The following HOMER1 variants were observed in gnomAD, a reference collection of about 807,000 sequenced individuals.
The protein encoded by HOMER1 is homer scaffold protein 1, also known as homer protein homolog 1.
A neutral mutation model predicts 48.9 loss-of-function variants in HOMER1; 3 were observed. The ratio of observed to expected loss-of-function variants is 0.06; its 90% confidence interval spans 0.03 to 0.16. HOMER1 has a LOEUF of 0.16. Ranked by LOEUF, HOMER1 falls within the 10% of genes least tolerant of loss-of-function variation. The pLI is 1.00. For missense variants in HOMER1, 247 were observed against 411.4 expected (o/e 0.60, Z 3.46); for synonymous variants, 134 against 146.4 (o/e 0.92, Z 0.61).
Position 79,488,869 on chromosome 5 carries a change from A to G in HOMER1, c.5+23901T>C, listed in dbSNP as rs556119169. ...TGACCTATTCAAGATCACACAGCCA[A>G]GATGAGGATGGAGCCAGAATTCAAA... On this transcript the variant is annotated intron_variant, in intron 1 of 8. Coordinates refer to ENST00000334082, the MANE Select transcript of HOMER1 (RefSeq NM_004272.5). Among the ~76,000 whole-genome samples, 3 of 152,370 alleles carry G rather than the reference A, an allele frequency of 2.0e-5. No homozygotes were observed. The South Asian group carries it at 6.2e-4, about 32-fold the overall frequency.
At chr5:79,404,155 T>A (rs182425891) in intron 5 of HOMER1, among the ~76,000 whole-genome samples, 2 of 152,360 alleles carry the variant, frequency 1.3e-5, no homozygotes, top group Non-Finnish European at 2.9e-5. Flanking sequence ...TAAACACTTG[T>A]TACATGTCAA....
chr5:79,479,765 C>T (rs1444191383), intron 1 of HOMER1, among the ~76,000 whole-genome samples: 1 of 152,104 alleles, frequency 6.6e-6, no homozygotes, highest in Non-Finnish European at 1.5e-5. Flanking sequence ...AACCATCATC[C>T]AGTTAAAATC....
intron 1 of HOMER1, among the ~76,000 whole-genome samples, chr5:79,484,358 T>C (rs555384254): frequency 1.3e-5 from 2 of 152,026 alleles, no homozygotes; most frequent in East Asian, 3.9e-4. Flanking sequence ...AAACAGAACA[T>C]ACATAAGATG....
At chr5:79,464,969 T>C (rs1457039376) in intron 1 of HOMER1, among the ~76,000 whole-genome samples, 1 of 152,162 alleles carries the variant, frequency 6.6e-6, no homozygotes, top group Non-Finnish European at 1.5e-5. Context: ...AGTTACTCTA[T>C]AGCAAATACA....
At chr5:79,431,317 AAAAC>A (rs750215552) in intron 5 of HOMER1, among the ~76,000 whole-genome samples, 2 of 151,832 alleles carry the variant, frequency 1.3e-5, no homozygotes, top group African/African-American at 2.4e-5. Context: ...AGCAAGACTC[AAAAC>A]AAACAAACAA....
intron 1 of HOMER1, among the ~76,000 whole-genome samples, chr5:79,461,752 C>T (rs1382030012): frequency 2.6e-5 from 4 of 152,070 alleles, no homozygotes; most frequent in Non-Finnish European, 4.4e-5. Flanking sequence ...ACTGATATTA[C>T]TAATTATATT....
At chr5:79,447,224 ATTTTC>A in intron 3 of HOMER1, 79 bp from the exon 4 acceptor site, 5 of 822,912 alleles carry the variant, frequency 6.1e-6, no homozygotes, top group Non-Finnish European at 1.0e-5. Flanking sequence ...AAAGTTATTC[ATTTTC>A]TGAATAACTG....
At chr5:79,379,203 TTA>T (rs1203102164) in intron 8 of HOMER1, among the ~76,000 whole-genome samples, 4 of 72,928 alleles carry the variant, frequency 5.5e-5, no homozygotes, top group South Asian at 4.6e-4. Flanking sequence ...ATAATATATA[TTA>T]TATATATTTT....
intron 5 of HOMER1, among the ~76,000 whole-genome samples, chr5:79,412,978 C>T (rs1749847717): frequency 6.6e-6 from 1 of 152,034 alleles, no homozygotes; most frequent in Non-Finnish European, 1.5e-5. Context: ...AAATTCAGAA[C>T]TAAAGAATAT....
chr5:79,450,494 T>C (rs1218412528), intron 3 of HOMER1, among the ~76,000 whole-genome samples: 3 of 152,204 alleles, frequency 2.0e-5, no homozygotes, highest in South Asian at 2.1e-4. Flanking sequence ...ATGATGTCTA[T>C]AGTATCTCAG....
intron 8 of HOMER1, among the ~76,000 whole-genome samples, chr5:79,386,992 A>G (rs1412334227): frequency 1.1e-5 from 1 of 93,230 alleles, no homozygotes; most frequent in East Asian, 3.6e-4. Context: ...TCCCTCTCTG[A>G]ACCTCCCCCT....
intron 2 of HOMER1, among the ~76,000 whole-genome samples, chr5:79,452,399 A>G (rs76864666): frequency 6.6e-6 from 1 of 152,322 alleles, no homozygotes; most frequent in Non-Finnish European, 1.5e-5. Context: ...AATACCATAA[A>G]AGTGAGGAAT....
intron 5 of HOMER1, 69 bp downstream of exon 5, chr5:79,438,941 G>T: frequency 2.1e-6 from 3 of 1,401,234 alleles, no homozygotes; most frequent in Non-Finnish European, 3.0e-6. Flanking sequence ...TAACTACAAG[G>T]GTTCCTGAAA....
At chr5:79,396,687 G>A in intron 8 of HOMER1, 136 bp downstream of exon 8, 1 of 480,654 alleles carries the variant, frequency 2.1e-6, no homozygotes, top group Non-Finnish European at 3.7e-6. Context: ...TCAAAGATTA[G>A]GCATGAATCA....
chr5:79,490,519 T>C (rs1378631280), intron 1 of HOMER1, among the ~76,000 whole-genome samples: 1 of 152,168 alleles, frequency 6.6e-6, no homozygotes, highest in Non-Finnish European at 1.5e-5. Context: ...TAATGATTAC[T>C]CATCATAAAT....
intron 2 of HOMER1, among the ~76,000 whole-genome samples, chr5:79,451,629 G>A (rs1473914995): frequency 7.3e-6 from 1 of 136,810 alleles, no homozygotes; most frequent in Non-Finnish European, 1.5e-5. Flanking sequence ...GCAGTGGCGT[G>A]ATCTCGGCTA....
At chr5:79,397,432 T>C (rs1038453682) in intron 7 of HOMER1, 95 bp downstream of exon 7, 80 of 823,498 alleles carry the variant, frequency 9.7e-5, no homozygotes, top group Non-Finnish European at 1.4e-4. Context: ...ACAACCTGAC[T>C]TTATTCCATA....
intron 5 of HOMER1, among the ~76,000 whole-genome samples, chr5:79,409,732 A>G (rs1749765975): frequency 6.6e-6 from 1 of 152,212 alleles, no homozygotes; most frequent in African/African-American, 2.4e-5. Flanking sequence ...ACATTTTCCC[A>G]AAGAAGAGAA....
chr5:79,438,930 G>T (rs1223274969), intron 5 of HOMER1, 80 bp downstream of exon 5: 28 of 1,032,636 alleles, frequency 2.7e-5, no homozygotes, highest in African/African-American at 5.0e-5. Flanking sequence ...CTCAAAGCTT[G>T]TAACTACAAG....
Sources: allele counts gnomAD v4.1 joint callset (sites outside exome capture counted in the v4.1 genomes callset), GRCh38; gene constraint gnomAD v4.1.1; transcripts MANE v1.5; gene names NCBI Gene and HGNC (gene_info 2026-07-23, HGNC 2026-07-21).